Variants in ERBIN observed in about 807,000 individuals in gnomAD.
The protein encoded by ERBIN is densin-180-like protein.
Under a neutral mutation model 158.4 loss-of-function variants are expected in ERBIN, and 60 were observed. That is an observed-to-expected ratio of 0.38 (90% CI 0.31 to 0.47). The LOEUF (loss-of-function observed/expected upper bound fraction) is 0.47. Ranked by LOEUF, ERBIN falls within the 20% of genes least tolerant of loss-of-function variation. ERBIN has a pLI of 0.99. For synonymous variants in ERBIN, 594 were observed against 557.2 expected, an observed-to-expected ratio of 1.07 and a Z score of -0.93; for missense variants, 1,610 against 1,648.0, an observed-to-expected ratio of 0.98 and a Z score of 0.40.
At chr5:65,935,360 T>TC (rs889546580) in intron 1 of ERBIN, among the ~76,000 whole-genome samples, 1 of 151,526 alleles carries the variant, frequency 6.6e-6, no homozygotes, top group South Asian at 2.1e-4. Context: ...TTGTTTTTTT[T>TC]CCCCTTTCCA....
At chr5:65,934,125 T>C (rs1178731607) in intron 1 of ERBIN, among the ~76,000 whole-genome samples, 1 of 152,200 alleles carries the variant, frequency 6.6e-6, no homozygotes, top group Non-Finnish European at 1.5e-5. Flanking sequence ...CTTGATCTCC[T>C]GATGTCATGA....
chr5:66,015,889 T>C (rs1323419157), intron 7 of ERBIN, among the ~76,000 whole-genome samples: 1 of 152,214 alleles, frequency 6.6e-6, no homozygotes, highest in Non-Finnish European at 1.5e-5. Flanking sequence ...ACATCTCCAG[T>C]TACCCCAGGA....
At chr5:66,070,114 A>G (rs1307590183) in intron 21 of ERBIN, among the ~76,000 whole-genome samples, 2 of 151,826 alleles carry the variant, frequency 1.3e-5, no homozygotes, top group African/African-American at 2.4e-5. Flanking sequence ...GCGCGATCTC[A>G]GCTCACTGCA....
At chr5:66,008,488 A>G (rs192666176) in intron 4 of ERBIN, among the ~76,000 whole-genome samples, 135 of 152,328 alleles carry the variant, frequency 8.9e-4, no homozygotes, top group African/African-American at 3.2e-3. Context: ...AATTTCCACT[A>G]AATAATATTA....
intron 1 of ERBIN, among the ~76,000 whole-genome samples, chr5:65,980,103 A>G (rs1234389809): frequency 6.6e-6 from 1 of 152,218 alleles, no homozygotes; most frequent in Non-Finnish European, 1.5e-5. Flanking sequence ...TAAGAAAAGA[A>G]GAACAAAGAA....
intron 21 of ERBIN, among the ~76,000 whole-genome samples, chr5:66,062,493 T>C (rs1760517240): frequency 1.3e-5 from 2 of 152,278 alleles, no homozygotes; most frequent in South Asian, 2.1e-4. Flanking sequence ...TTGAACTTCC[T>C]CCTTTAGCTC....
intron 11 of ERBIN, 116 bp downstream of exon 11, chr5:66,025,668 T>C: frequency 1.1e-6 from 1 of 923,374 alleles, no homozygotes; most frequent in Non-Finnish European, 1.7e-6. Context: ...ATTTAAGTAA[T>C]TAGTATACAG....
chr5:66,016,408 T>A (rs913218779), intron 7 of ERBIN, among the ~76,000 whole-genome samples: 1 of 152,346 alleles, frequency 6.6e-6, no homozygotes, highest in South Asian at 2.1e-4. Flanking sequence ...TTTGCAAATA[T>A]TCTTTTCTCC....
At chr5:66,042,945 C>T in intron 15 of ERBIN, 132 bp from the exon 16 acceptor site, 1 of 632,982 alleles carries the variant, frequency 1.6e-6, no homozygotes, top group Non-Finnish European at 2.7e-6. Context: ...TTTCTAATTT[C>T]TTGCATTGAC....
intron 21 of ERBIN, among the ~76,000 whole-genome samples, chr5:66,064,682 A>G (rs1192463659): frequency 6.6e-6 from 1 of 152,180 alleles, no homozygotes; most frequent in African/African-American, 2.4e-5. Flanking sequence ...TAGCTTAGGA[A>G]ACAGTTTCAA....
chr5:65,987,367 T>TACACACACACACACAC (rs56222591), intron 1 of ERBIN, among the ~76,000 whole-genome samples: 21,071 of 135,528 alleles, frequency 0.16, 1,943 homozygotes, highest in Non-Finnish European at 0.19. Context: ...AGAGACTGTC[T>TACACACACACACACAC]ACACACACAC....
rs1404819502 is a variant in ERBIN at position 65,957,872 on chromosome 5, C to T, written c.-57-30763C>T. On this transcript the variant is annotated intron_variant, in intron 1 of 25. Coordinates refer to ENST00000284037, the MANE Select transcript of ERBIN (RefSeq NM_001253697.2). ...CTCACTTCTCAGACGGGGCGGCTGC[C>T]GGGCGGAGGCACTCCTCACTTCTCA... Among the ~76,000 whole-genome samples, 7 of 149,090 alleles carry T rather than the reference C, an allele frequency of 4.7e-5. 1 individual carries two copies. The highest frequency in any genetic ancestry group is 4.0e-4 in the East Asian group (2 of 4,986).
In ERBIN at chr5:66,050,885, C is replaced by T; in HGVS notation, c.2006C>T (p.Ser669Phe). 6.2e-7 allele frequency: 1 copy of T among 1,605,806 alleles called. No homozygotes were observed. The highest frequency in any genetic ancestry group is 8.5e-7 in the Non-Finnish European group (1 of 1,176,328). ...SSPSRMSDSV[S>F]LNTDSSQDTS... ...CCATCTCGGATGTCTGATTCAGTTT[C>T]TCTTAATACTGATAGTAGTCAAGAC... Residue 669 changes from serine to phenylalanine, a missense_variant, in exon 20 of 26, where the codon TCT becomes TTT. Ser to Phe is a radical substitution (Grantham distance 155). Transcript: ENST00000284037.
intron 21 of ERBIN, among the ~76,000 whole-genome samples, chr5:66,061,134 T>C (rs1301736545): frequency 6.6e-6 from 1 of 152,176 alleles, no homozygotes; most frequent in African/African-American, 2.4e-5. Context: ...TGTCTAATGT[T>C]GACAGTGGGG....
At position 65,957,691 on chromosome 5, in the gene ERBIN, G is replaced by T. The variant is rs564711536; in HGVS notation, c.-58+30885G>T. Among the ~76,000 whole-genome samples the T allele has an allele frequency of 1.2e-4, 19 of 152,214 alleles. No individual in the cohort carries two copies. In the South Asian group the frequency reaches 3.5e-3, roughly 28 times the overall value. On this transcript the variant is annotated intron_variant, in intron 1 of 25. Transcript: ENST00000284037. The stretch of plus-strand genomic sequence containing the variant: ...TCCCCCTTTTCTATTCGACAAAACC[G>T]CCATCGTCATCATGGCCCGTTCTCA...
At chr5:66,060,667 G>T (rs1453696137) in intron 21 of ERBIN, among the ~76,000 whole-genome samples, 1 of 152,114 alleles carries the variant, frequency 6.6e-6, no homozygotes, top group South Asian at 2.1e-4. Flanking sequence ...GCTTTCTCTT[G>T]TGGGCATTTA....
intron 14 of ERBIN, among the ~76,000 whole-genome samples, chr5:66,031,101 T>C (rs981849740): frequency 6.6e-6 from 1 of 152,204 alleles, no homozygotes; most frequent in Non-Finnish European, 1.5e-5. Flanking sequence ...AAAATTTCCC[T>C]TACCCTTACC....
At chr5:66,032,664 G>T (rs968545332) in intron 14 of ERBIN, among the ~76,000 whole-genome samples, 1 of 152,146 alleles carries the variant, frequency 6.6e-6, no homozygotes, top group African/African-American at 2.4e-5. Flanking sequence ...TTCATCAGGG[G>T]TTAGTGCCAA....
At chr5:66,053,121 C>T (rs1455812635) in intron 20 of ERBIN, among the ~76,000 whole-genome samples, 2 of 151,978 alleles carry the variant, frequency 1.3e-5, no homozygotes, top group African/African-American at 4.8e-5. Flanking sequence ...CATAGTTCAG[C>T]CCTTTAAATT....
Sources: allele counts gnomAD v4.1 joint callset (sites outside exome capture counted in the v4.1 genomes callset), GRCh38; gene constraint gnomAD v4.1.1; transcripts MANE v1.5; gene names NCBI Gene and HGNC (gene_info 2026-07-23, HGNC 2026-07-21).